MAPDA: variants seen among roughly 807,000 people sequenced by gnomAD.
MAPDA encodes N6,N6-dimethyl-AMP deaminase.
the MAPDA span, chr15:43,335,226 T>A: frequency 6.4e-7 from 1 of 1,566,000 alleles, no homozygotes; most frequent in African/African-American, 1.4e-5. Flanking sequence ...GACTTTGATG[T>A]TGCTTCTTTT....
At chr15:43,341,064 A>G in the MAPDA span, among the ~76,000 whole-genome samples, 1 of 152,192 alleles carries the variant, frequency 6.6e-6, no homozygotes, top group African/African-American at 2.4e-5. Flanking sequence ...ATCTGGAGGA[A>G]TTTCCTGAGA....
chr15:43,338,552 A>G, the MAPDA span, among the ~76,000 whole-genome samples: 11 of 152,250 alleles, frequency 7.2e-5, no homozygotes, highest in African/African-American at 2.7e-4. Flanking sequence ...TGCAGAGCTC[A>G]TGCTCTTTCC....
At chr15:43,341,053 G>A in the MAPDA span, among the ~76,000 whole-genome samples, 1 of 152,208 alleles carries the variant, frequency 6.6e-6, no homozygotes, top group East Asian at 1.9e-4. Context: ...ATCTGGCTAT[G>A]ATCTGGAGGA....
chr15:43,335,746 A>G, the MAPDA span: 3 of 1,614,020 alleles, frequency 1.9e-6, no homozygotes, highest in South Asian at 2.2e-5. Flanking sequence ...CCATGAAGAA[A>G]TTAATAGCCC....
the MAPDA span, among the ~76,000 whole-genome samples, chr15:43,331,061 G>C: frequency 6.6e-6 from 1 of 152,158 alleles, no homozygotes; most frequent in African/African-American, 2.4e-5. Flanking sequence ...AGTCACTAAG[G>C]CCAGGGTGCA....
At chr15:43,330,662 TGAG>T in the MAPDA span, 7 of 701,500 alleles carry the variant, frequency 1.0e-5, no homozygotes, top group African/African-American at 3.8e-5. Context: ...CAACCAGAAT[TGAG>T]GAGGGTGTAG....
chr15:43,341,986 A>G, the MAPDA span, among the ~76,000 whole-genome samples: 1 of 151,980 alleles, frequency 6.6e-6, no homozygotes, highest in East Asian at 1.9e-4. Flanking sequence ...TTATAGGCAC[A>G]TGCCACCACA....
the MAPDA span, chr15:43,333,464 T>C: frequency 4.6e-5 from 7 of 152,144 alleles, no homozygotes; most frequent in Non-Finnish European, 1.0e-4. Flanking sequence ...TTAAATCATT[T>C]ATGTTTTTCG....
chr15:43,348,141 A>G, the MAPDA span, among the ~76,000 whole-genome samples: 1 of 152,172 alleles, frequency 6.6e-6, no homozygotes, highest in African/African-American at 2.4e-5. Context: ...TGTTCTGAGC[A>G]TTTGTGTTTT....
the MAPDA span, among the ~76,000 whole-genome samples, chr15:43,332,761 G>T: frequency 2.0e-5 from 3 of 152,064 alleles, no homozygotes; most frequent in East Asian, 1.9e-4. Context: ...GTTCCCTTTT[G>T]GGGGAGTAGG....
chr15:43,342,940 G>T, the MAPDA span: 1 of 1,284,958 alleles, frequency 7.8e-7, no homozygotes, highest in South Asian at 1.4e-5. Context: ...CTGAAGGTGA[G>T]GGATGAAATA....
the MAPDA span, among the ~76,000 whole-genome samples, chr15:43,341,861 A>G: frequency 6.6e-6 from 1 of 151,950 alleles, no homozygotes; most frequent in African/African-American, 2.4e-5. Context: ...TTTTTTTGAG[A>G]CGGAGTCTTG....
chr15:43,349,100 C>T, the MAPDA span: 1 of 1,612,042 alleles, frequency 6.2e-7, no homozygotes, highest in South Asian at 1.1e-5. Flanking sequence ...CCCCCAATCC[C>T]CAGGTTGCCT....
the MAPDA span, among the ~76,000 whole-genome samples, chr15:43,337,104 T>C: frequency 7.6e-6 from 1 of 132,260 alleles, no homozygotes; most frequent in Non-Finnish European, 1.5e-5. Context: ...CTGTCTCTAC[T>C]AAAAATACAA....
At chr15:43,342,860 G>C in the MAPDA span, 1 of 591,798 alleles carries the variant, frequency 1.7e-6, no homozygotes, top group Non-Finnish European at 2.9e-6. Flanking sequence ...TAAGGGCCAT[G>C]TTTTCACTCA....
the MAPDA span, among the ~76,000 whole-genome samples, chr15:43,343,988 A>T: frequency 6.6e-6 from 1 of 152,000 alleles, no homozygotes; most frequent in Admixed American, 6.6e-5. Flanking sequence ...ATCATATATT[A>T]CAATACTGTT....
the MAPDA span, chr15:43,346,132 A>C: frequency 9.4e-7 from 1 of 1,065,688 alleles, no homozygotes; most frequent in Non-Finnish European, 1.3e-6. Flanking sequence ...GATGACCAGA[A>C]TGCCTAGAGC....
the MAPDA span, chr15:43,348,830 G>A: frequency 1.3e-6 from 2 of 1,483,008 alleles, no homozygotes; most frequent in African/African-American, 1.4e-5. Flanking sequence ...GAGGGGCAGG[G>A]TACCTAGCTA....
chr15:43,342,743 G>C, the MAPDA span, among the ~76,000 whole-genome samples: 1 of 145,804 alleles, frequency 6.9e-6, no homozygotes, highest in African/African-American at 2.5e-5. Context: ...GCCAGACCCT[G>C]TCTCAAAAAA....
Sources: allele counts gnomAD v4.1 joint callset (sites outside exome capture counted in the v4.1 genomes callset), GRCh38; gene constraint gnomAD v4.1.1; transcripts MANE v1.5; gene names NCBI Gene and HGNC (gene_info 2026-07-23, HGNC 2026-07-21).